The following NCAPD2 variants were observed in gnomAD, a reference collection of about 807,000 sequenced individuals.
NCAPD2 encodes condensin complex subunit 1.
In NCAPD2, 100 loss-of-function variants were observed where a neutral mutation model predicts 164.5. The ratio of observed to expected loss-of-function variants is 0.61; its 90% CI spans 0.52 to 0.72. The LOEUF (loss-of-function observed/expected upper bound fraction) is 0.72, where lower values mean the gene tolerates loss of function less well. Among genes scored for constraint, NCAPD2 ranks in the 30% least tolerant of loss-of-function variants. The pLI is 0.00. For missense variants in NCAPD2, 1,560 were observed against 1,749.2 expected, an observed-to-expected ratio of 0.89 and a Z score of 1.93; for synonymous variants, 585 against 642.6, an observed-to-expected ratio of 0.91 and a Z score of 1.36.
intron 13 of NCAPD2, 126 bp downstream of exon 13, chr12:6,518,085 G>A (rs953107740): frequency 1.1e-6 from 1 of 876,804 alleles, no homozygotes; most frequent in Non-Finnish European, 1.8e-6. Context: ...GATGGTAGAT[G>A]TTTTCATGTA....
intron 17 of NCAPD2, among the ~76,000 whole-genome samples, chr12:6,525,158 ATTT>A (rs1483208095): frequency 9.8e-5 from 15 of 152,348 alleles, no homozygotes; most frequent in African/African-American, 3.4e-4. Context: ...ATAGTGACTG[ATTT>A]GTAAAAAAAT....
intron 2 of NCAPD2, among the ~76,000 whole-genome samples, chr12:6,503,375 A>C (rs1229904610): frequency 1.3e-5 from 2 of 152,100 alleles, no homozygotes; most frequent in Non-Finnish European, 2.9e-5. Flanking sequence ...AAATCAATGC[A>C]CCAGTAACTG....
rs2137063764 is a variant in NCAPD2, at chr12:6,531,213, C to T, written c.4121-114C>T. 6.8e-7 allele frequency: 1 copy of T among 1,481,170 alleles called. No homozygotes were observed. The allele number at this position is 1,481,170 out of a possible 1,614,324, so 91.8% of individuals were successfully genotyped here. A position where few individuals can be genotyped will look rare whatever the true frequency, so the allele number is the denominator to read the frequency against. Reference sequence around the variant, plus strand: ...CCGCAGAAGGGCCTCTCCTGTACAGCTTGGATTTTATTTCTTCTGTGCGGT... The same window carrying T: ...CCGCAGAAGGGCCTCTCCTGTACAGTTTGGATTTTATTTCTTCTGTGCGGT... On this transcript the variant is annotated intron_variant, in intron 31 of 31. Transcript: ENST00000315579. The surrounding 1 kb of genome is among the most constrained non-coding windows in gnomAD (Gnocchi z 4.1).
intron 4 of NCAPD2, chr12:6,510,342 G>A: frequency 1.3e-6 from 1 of 786,472 alleles, no homozygotes. Context: ...TTCACTGTAA[G>A]GGCAGACCAA....
chr12:6,518,027 A>G (rs1946220648), intron 13 of NCAPD2, 68 bp downstream of exon 13: 4 of 1,475,646 alleles, frequency 2.7e-6, no homozygotes, highest in Non-Finnish European at 3.7e-6. Context: ...AGAAACTTAC[A>G]TAATGTGTCT....
At chr12:6,516,446 G>A (rs1419906391) in intron 9 of NCAPD2, among the ~76,000 whole-genome samples, 1 of 152,188 alleles carries the variant, frequency 6.6e-6, no homozygotes, top group Non-Finnish European at 1.5e-5. Context: ...AGGTTGCAGT[G>A]AGCCGAGATG....
intron 9 of NCAPD2, among the ~76,000 whole-genome samples, chr12:6,515,139 G>A (rs1946186611): frequency 6.6e-6 from 1 of 151,898 alleles, no homozygotes; most frequent in Non-Finnish European, 1.5e-5. Context: ...ATCCAGTTCT[G>A]GTAAGGGAGA....
At chr12:6,529,709 A>T (rs1458689405) in intron 28 of NCAPD2, 66 bp from the exon 29 acceptor site, 1 of 1,601,748 alleles carries the variant, frequency 6.2e-7, no homozygotes, top group African/African-American at 1.3e-5. Flanking sequence ...GGGGAGGCTG[A>T]TGGGGAAGGT....
intron 17 of NCAPD2, among the ~76,000 whole-genome samples, chr12:6,524,260 G>C (rs1946294402): frequency 6.6e-6 from 1 of 152,158 alleles, no homozygotes. Flanking sequence ...TAGAGAATCA[G>C]AGCAAGGAGG....
rs1355253961 is a variant in NCAPD2 at position 6,528,082 on chromosome 12, G to A, written c.3134G>A (p.Cys1045Tyr). ...GCTTCACTTGCCCTTGGCAAGTTCT[G>A]CATGATCAGGTAGGCCGTGGGGTTG... Reference protein sequence around the residue: ...AAASLALGKFCMISATFCDSQ... With the variant: ...AAASLALGKFYMISATFCDSQ... The change falls in exon 24 of 32, where the codon TGC becomes TAC. Residue 1045 changes from cysteine to tyrosine, a missense_variant. Transcript: ENST00000315579. The surrounding 1 kb of genome is among the most constrained non-coding windows in gnomAD (Gnocchi z 5.1). The A allele has an allele frequency of 6.2e-7, 1 of 1,614,252 alleles. No individual in the cohort carries two copies. Among genetic ancestry groups the A allele is most frequent in the Non-Finnish European group, 8.5e-7 (1 of 1,180,054 alleles).
intron 13 of NCAPD2, among the ~76,000 whole-genome samples, chr12:6,519,561 G>T (rs1173724619): frequency 6.6e-6 from 1 of 152,210 alleles, no homozygotes; most frequent in South Asian, 2.1e-4. Flanking sequence ...GCCTTTGCCA[G>T]CCTGGGCAAC....
chr12:6,505,817 A>T (rs148864737), intron 2 of NCAPD2, among the ~76,000 whole-genome samples: 1 of 148,482 alleles, frequency 6.7e-6, no homozygotes, highest in East Asian at 2.0e-4. Flanking sequence ...GTGAGCTGAG[A>T]TTGTGTCACT....
At chr12:6,515,343 C>T (rs1946189006) in intron 9 of NCAPD2, among the ~76,000 whole-genome samples, 1 of 152,022 alleles carries the variant, frequency 6.6e-6, no homozygotes, top group African/African-American at 2.4e-5. Flanking sequence ...TACTACCATG[C>T]CTGGCTAATT....
rs372666085 is a variant in NCAPD2, at chr12:6,517,658, G to A, written c.1383G>A (p.Arg461=). ...QKETQKLQEM[R]AQRRTAAASA... The stretch of plus-strand genomic sequence containing the variant: ...AGACCCAGAAATTACAAGAGATGAG[G>A]GCCCAGAGGCGAACTGCAGCAGCTT... The change falls in exon 12 of 32, where the codon AGG becomes AGA. Residue 461 remains arginine (R), a synonymous_variant. Coordinates refer to ENST00000315579, the MANE Select transcript of NCAPD2 (RefSeq NM_014865.4). 2.8e-5 allele frequency: 45 copies of A among 1,614,172 alleles called. No individual in the cohort carries two copies. The highest frequency in any genetic ancestry group is 5.3e-5 in the African/African-American group (4 of 75,036).
intron 9 of NCAPD2, 73 bp downstream of exon 9, chr12:6,514,993 A>G: frequency 4.6e-6 from 7 of 1,527,938 alleles, no homozygotes; most frequent in Non-Finnish European, 6.3e-6. Flanking sequence ...CTGTTTCTTA[A>G]CAGAACAAGA....
Position 6,514,527 on chromosome 12 carries a change from C to T in NCAPD2, c.779C>T (p.Ala260Val), listed in dbSNP as rs1336235743. ...GAACACCTGGCACCTGTACTGGTTG[C>T]AGCCGTGAGTCTATGGGCAACTGAC... ...HFEHLAPVLV[A>V]AVSLWATDYG... Residue 260 changes from alanine to valine, a missense_variant, in exon 8 of 32, where the codon GCA becomes GTA. Physicochemically the swap from Ala to Val is moderately conservative, Grantham distance 64 (BLOSUM62 0). Transcript: ENST00000315579. 2 of 1,614,130 alleles carry T rather than the reference C, an allele frequency of 1.2e-6. No homozygotes were observed. Among genetic ancestry groups the T allele is most frequent in the Non-Finnish European group, 1.7e-6 (2 of 1,180,056 alleles).
At chr12:6,526,795 C>CA in intron 21 of NCAPD2, 96 bp from the exon 22 acceptor site, 1 of 1,468,692 alleles carries the variant, frequency 6.8e-7, no homozygotes, top group African/African-American at 1.4e-5. Context: ...GTTTGAATAG[C>CA]ACGTGAGCAA....
chr12:6,495,746 C>G (rs1254860452), intron 2 of NCAPD2, among the ~76,000 whole-genome samples: 1 of 152,172 alleles, frequency 6.6e-6, no homozygotes, highest in African/African-American at 2.4e-5. Flanking sequence ...AGAAAGACTT[C>G]ATAATGTCCT....
Position 6,521,091 on chromosome 12 carries a change from C to G in NCAPD2, c.1695C>G (p.Ile565Met). ...EESEETRLLN[I>M]LGLIFKGPAA... ...CAGAGGAGACCAGGCTCTTGAATAT[C>G]TTAGGACTTATCTTCAAAGGTAATC... The change falls in exon 14 of 32, where the codon ATC (isoleucine) becomes ATG (methionine). Residue 565 changes from isoleucine to methionine, a missense_variant. Coordinates refer to ENST00000315579, the MANE Select transcript of NCAPD2 (RefSeq NM_014865.4). The G allele has an allele frequency of 6.2e-7, 1 of 1,614,128 alleles. No individual in the cohort carries two copies. Among genetic ancestry groups the G allele is most frequent in the South Asian group, 1.1e-5 (1 of 91,072 alleles).
Sources: gnomAD v4.1 joint callset for allele counts (sites outside exome capture counted in the v4.1 genomes callset) on GRCh38, gnomAD v4.1.1 for gene constraint, Gnocchi (gnomAD v3.1) non-coding constraint, MANE v1.5 for transcripts, NCBI Gene and HGNC (gene_info 2026-07-23, HGNC 2026-07-21) for gene names.